The following PEMT variants were observed in gnomAD, a reference collection of about 807,000 sequenced individuals.
The protein encoded by PEMT is phosphatidylethanolamine N-methyltransferase.
A neutral mutation model predicts 27.4 loss-of-function variants in PEMT; 23 were observed. The ratio of observed to expected loss-of-function variants is 0.84; its 90% CI spans 0.60 to 1.19. The LOEUF is 1.19. Among genes scored for constraint, PEMT ranks in the 50% most tolerant of loss-of-function variants. The pLI, the probability that PEMT is intolerant of heterozygous loss-of-function variation, is 0.00. For synonymous variants in PEMT, 137 were observed against 139.1 expected (o/e 0.98, Z 0.11); for missense variants, 307 against 310.1 (o/e 0.99, Z 0.07).
At chr17:17,509,681 G>T (rs922067485) in intron 4 of PEMT, 136 bp from the exon 5 acceptor site, 4 of 674,012 alleles carry the variant, frequency 5.9e-6, no homozygotes, top group Non-Finnish European at 5.3e-6. Context: ...ACTTCAGAGA[G>T]TTCAACAATG....
At chr17:17,535,306 A>G (rs893010349) in intron 2 of PEMT, among the ~76,000 whole-genome samples, 3 of 152,186 alleles carry the variant, frequency 2.0e-5, no homozygotes, top group African/African-American at 7.2e-5. Context: ...AGTGGCTCAC[A>G]TCTGTAATTC....
chr17:17,547,394 T>A (rs556180522), intron 2 of PEMT, among the ~76,000 whole-genome samples: 1 of 152,372 alleles, frequency 6.6e-6, no homozygotes, highest in Non-Finnish European at 1.5e-5. Context: ...CTGTGCCGCA[T>A]GGACTCTGTG....
At chr17:17,589,867 C>G (rs1912504470) in intron 1 of PEMT, among the ~76,000 whole-genome samples, 1 of 152,210 alleles carries the variant, frequency 6.6e-6, no homozygotes, top group South Asian at 2.1e-4. Flanking sequence ...ACAAGGGTCA[C>G]CCTGACCCGA....
chr17:17,570,866 G>C (rs1044249346), intron 2 of PEMT: 35 of 985,306 alleles, frequency 3.6e-5, no homozygotes, highest in Non-Finnish European at 4.0e-5. Context: ...CAGATCCGGG[G>C]GCAGGTGAGA....
At chr17:17,566,635 G>A (rs1048604685) in intron 2 of PEMT, among the ~76,000 whole-genome samples, 6 of 152,240 alleles carry the variant, frequency 3.9e-5, no homozygotes, top group African/African-American at 1.4e-4. Context: ...GCCAGGTGAA[G>A]GCGGGAAAGC....
chr17:17,541,474 C>G (rs542769114), intron 2 of PEMT, among the ~76,000 whole-genome samples: 2 of 152,368 alleles, frequency 1.3e-5, no homozygotes, highest in African/African-American at 4.8e-5. Flanking sequence ...CCCAAGACCA[C>G]CGGCCGCAGC....
At chr17:17,576,695 G>T (rs527491089) in intron 2 of PEMT, among the ~76,000 whole-genome samples, 1 of 152,300 alleles carries the variant, frequency 6.6e-6, no homozygotes, top group East Asian at 1.9e-4. Context: ...TACAGTCCTG[G>T]ACCATCCTGA....
At chr17:17,579,515 TAAA>T (rs951683389) in intron 1 of PEMT, among the ~76,000 whole-genome samples, 1 of 152,056 alleles carries the variant, frequency 6.6e-6, no homozygotes, top group Non-Finnish European at 1.5e-5. Flanking sequence ...CCGTCTCTAC[TAAA>T]AACACAAAAA....
At chr17:17,587,584 G>C (rs992936133) in intron 1 of PEMT, among the ~76,000 whole-genome samples, 1 of 152,074 alleles carries the variant, frequency 6.6e-6, no homozygotes, top group African/African-American at 2.4e-5. Flanking sequence ...AAACCAGGCC[G>C]GGTGCAGTGG....
At chr17:17,531,621 C>CAAAAAAAAAAAAAAAA (rs58165466) in intron 2 of PEMT, among the ~76,000 whole-genome samples, 1 of 62,384 alleles carries the variant, frequency 1.6e-5, no homozygotes, top group Non-Finnish European at 2.9e-5. Context: ...CTATCATATG[C>CAAAAAAAAAAAAAAAA]AAAAAAAAAA....
chr17:17,531,347 C>A (rs1450161937), intron 2 of PEMT, among the ~76,000 whole-genome samples: 1 of 149,798 alleles, frequency 6.7e-6, no homozygotes, highest in Non-Finnish European at 1.5e-5. Context: ...TTTTTTTTTT[C>A]TTTTTTATGA....
chr17:17,519,253 G>T (rs149977142), intron 3 of PEMT, among the ~76,000 whole-genome samples: 1 of 151,876 alleles, frequency 6.6e-6, no homozygotes, highest in African/African-American at 2.4e-5. Context: ...AAGAACAGTG[G>T]GGGAGAGAGT....
chr17:17,515,536 T>A (rs1906763686), intron 3 of PEMT, among the ~76,000 whole-genome samples: 1 of 151,946 alleles, frequency 6.6e-6, no homozygotes, highest in Non-Finnish European at 1.5e-5. Context: ...TTGCTCAGAG[T>A]CGGCAGAGGA....
intron 2 of PEMT, among the ~76,000 whole-genome samples, chr17:17,530,992 G>A (rs921228216): frequency 5.3e-5 from 8 of 150,288 alleles, no homozygotes; most frequent in Admixed American, 3.3e-4. Flanking sequence ...GCAGTGAGCC[G>A]AGATGGTGCC....
intron 3 of PEMT, chr17:17,518,123 C>T (rs1040080058): frequency 4.1e-6 from 4 of 985,396 alleles, no homozygotes; most frequent in African/African-American, 1.7e-5. Flanking sequence ...CAGGCAATTC[C>T]GATGTGCGCT....
rs202134365 is a variant in PEMT, at chr17:17,586,197, GGAAAGAAA to G, written c.96+5326_96+5333del. ...AAGAAAGAAAAAGAAAAAGAAGGAA[GGAAAGAAA>G]GAAAGAAAGAAAAAGAAAGAAAGAA... is the stretch of plus-strand genomic sequence containing the variant. On this transcript the variant is annotated intron_variant, in intron 1 of 6. Transcript: ENST00000255389. Among the ~76,000 whole-genome samples the G allele has an allele frequency of 3.6e-3, 383 of 106,942 alleles. 8 individuals carry two copies. The highest frequency in any genetic ancestry group is 0.013 in the African/African-American group (362 of 28,116). The allele number at this position is 106,942 out of a possible 152,430, so 70.2% of individuals were successfully genotyped here.
chr17:17,576,244 G>A (rs1391896810), intron 2 of PEMT, among the ~76,000 whole-genome samples: 1 of 152,118 alleles, frequency 6.6e-6, no homozygotes, highest in Non-Finnish European at 1.5e-5. Context: ...AGGAACTGAC[G>A]GCCCTCCCCT....
At chr17:17,541,897 A>G (rs568144114) in intron 2 of PEMT, among the ~76,000 whole-genome samples, 2 of 152,296 alleles carry the variant, frequency 1.3e-5, no homozygotes, top group African/African-American at 4.8e-5. Flanking sequence ...TGAGCCCAAC[A>G]CCCAGGGCTC....
At chr17:17,511,573 G>A (rs139742050) in intron 4 of PEMT, among the ~76,000 whole-genome samples, 14 of 152,212 alleles carry the variant, frequency 9.2e-5, no homozygotes, top group Admixed American at 1.3e-4. Flanking sequence ...TCAGGACACC[G>A]TTGGTCCCAG....
Sources: gnomAD v4.1 joint callset for allele counts (sites outside exome capture counted in the v4.1 genomes callset) on GRCh38, gnomAD v4.1.1 for gene constraint, MANE v1.5 for transcripts, NCBI Gene and HGNC (gene_info 2026-07-23, HGNC 2026-07-21) for gene names.